GAS7: variants seen among roughly 807,000 people sequenced by gnomAD.
GAS7 encodes the protein growth arrest-specific protein 7.
GAS7 carries 28 observed loss-of-function variants against 71.1 expected under a neutral mutation model. That is an observed-to-expected ratio of 0.39 (90% CI 0.29 to 0.54). The LOEUF (loss-of-function observed/expected upper bound fraction) is 0.54. GAS7 is among the 20% of genes least tolerant of loss of function. The pLI is 0.62. For synonymous variants in GAS7, 258 were observed against 245.8 expected (o/e 1.05, Z -0.46); for missense variants, 436 against 627.8 (o/e 0.69, Z 3.27).
chr17:9,968,095 A>G (rs2069796574), intron 4 of GAS7, among the ~76,000 whole-genome samples: 1 of 152,218 alleles, frequency 6.6e-6, no homozygotes, highest in Non-Finnish European at 1.5e-5. Context: ...GCTGAACCAC[A>G]TCAGAATTTA....
At chr17:10,155,653 G>A (rs1597824448) in intron 1 of GAS7, among the ~76,000 whole-genome samples, 2 of 152,088 alleles carry the variant, frequency 1.3e-5, no homozygotes, top group South Asian at 2.1e-4. Flanking sequence ...CATTCTTCTG[G>A]TCCTCCCACT....
At chr17:10,088,440 G>T (rs1250639123) in intron 1 of GAS7, among the ~76,000 whole-genome samples, 1 of 151,750 alleles carries the variant, frequency 6.6e-6, no homozygotes, top group African/African-American at 2.4e-5. Context: ...TCCAGGCTGA[G>T]GCAATGAGGG....
At chr17:9,975,159 A>G (rs943245816) in intron 3 of GAS7, among the ~76,000 whole-genome samples, 2 of 152,192 alleles carry the variant, frequency 1.3e-5, no homozygotes, top group East Asian at 1.9e-4. Flanking sequence ...GCTCGTGACC[A>G]GCCTGCCTAA....
chr17:9,920,016 T>TGC (rs60010832), intron 11 of GAS7, among the ~76,000 whole-genome samples: 3 of 141,378 alleles, frequency 2.1e-5, no homozygotes, highest in Admixed American at 1.4e-4. Flanking sequence ...TGTGTGTGTG[T>TGC]CTAGGGTATT....
intron 1 of GAS7, among the ~76,000 whole-genome samples, chr17:10,158,130 C>G (rs2074218889): frequency 6.6e-6 from 1 of 152,160 alleles, no homozygotes; most frequent in East Asian, 1.9e-4. Flanking sequence ...CCTGCCTCAG[C>G]CTCCCTAGTA....
chr17:9,957,556 A>G (rs1469653224), intron 5 of GAS7, among the ~76,000 whole-genome samples: 1 of 152,146 alleles, frequency 6.6e-6, no homozygotes, highest in East Asian at 1.9e-4. Context: ...TAGAATTCAA[A>G]TATGTCTCCC....
At chr17:9,998,898 C>T (rs147057410) in intron 2 of GAS7, among the ~76,000 whole-genome samples, 7 of 152,236 alleles carry the variant, frequency 4.6e-5, no homozygotes, top group Admixed American at 6.5e-5. Context: ...CACTCCCTGC[C>T]CAAGGACATC....
At chr17:9,979,407 C>T (rs1001322525) in intron 3 of GAS7, among the ~76,000 whole-genome samples, 2 of 152,210 alleles carry the variant, frequency 1.3e-5, no homozygotes, top group Non-Finnish European at 2.9e-5. Flanking sequence ...TTTCTCAGCC[C>T]CCTTTAGGGG....
At chr17:9,980,096 G>A (rs552612433) in intron 3 of GAS7, among the ~76,000 whole-genome samples, 2 of 151,902 alleles carry the variant, frequency 1.3e-5, no homozygotes, top group Non-Finnish European at 2.9e-5. Flanking sequence ...TAAATAAAGT[G>A]CTTTTGAAAA....
At chr17:9,946,774 C>T in intron 6 of GAS7, 120 bp downstream of exon 6, 1 of 626,330 alleles carries the variant, frequency 1.6e-6, no homozygotes, top group Non-Finnish European at 2.9e-6. Flanking sequence ...TAACACCAGC[C>T]CTTCACGCTC....
chr17:10,161,836 G>A (rs888987951), intron 1 of GAS7, among the ~76,000 whole-genome samples: 5 of 152,052 alleles, frequency 3.3e-5, no homozygotes, highest in Non-Finnish European at 7.4e-5. Flanking sequence ...AGGCCGAGGC[G>A]GGCGGATCAT....
chr17:10,107,033 C>A (rs548309663), intron 1 of GAS7, among the ~76,000 whole-genome samples: 32 of 152,102 alleles, frequency 2.1e-4, no homozygotes, highest in Non-Finnish European at 3.8e-4. Flanking sequence ...TGGAAACAGG[C>A]GCCAAGGAAG....
chr17:10,181,850 C>T (rs1233599535), intron 1 of GAS7, among the ~76,000 whole-genome samples: 1 of 152,138 alleles, frequency 6.6e-6, no homozygotes, highest in Non-Finnish European at 1.5e-5. Context: ...CCCACCAAAA[C>T]CAAGATGGCA....
At chr17:10,143,256 G>A (rs528989471) in intron 1 of GAS7, among the ~76,000 whole-genome samples, 125 of 151,662 alleles carry the variant, frequency 8.2e-4, no homozygotes, top group African/African-American at 2.9e-3. Flanking sequence ...ATTGGAGATA[G>A]GCGGCCAAGC....
At chr17:10,120,830 G>C (rs2073898764) in intron 1 of GAS7, among the ~76,000 whole-genome samples, 1 of 152,234 alleles carries the variant, frequency 6.6e-6, no homozygotes, top group Non-Finnish European at 1.5e-5. Context: ...GGAAAGGGCA[G>C]GCTGCTAGGG....
At chr17:10,085,430 T>C (rs2152253427) in intron 1 of GAS7, among the ~76,000 whole-genome samples, 1 of 152,098 alleles carries the variant, frequency 6.6e-6, no homozygotes, top group African/African-American at 2.4e-5. Flanking sequence ...ACGCCTGTAA[T>C]CCCAGCACTT....
intron 9 of GAS7, among the ~76,000 whole-genome samples, chr17:9,928,795 T>C (rs1184771546): frequency 6.6e-6 from 1 of 152,218 alleles, no homozygotes; most frequent in Non-Finnish European, 1.5e-5. Flanking sequence ...AGCACTGCTG[T>C]GCCCAGTGTC....
intron 1 of GAS7, among the ~76,000 whole-genome samples, chr17:10,073,204 C>T (rs1432199772): frequency 6.6e-6 from 1 of 152,170 alleles, no homozygotes; most frequent in African/African-American, 2.4e-5. Flanking sequence ...CCCAACAGGC[C>T]GTGTGGCTCA....
chr17:10,012,294 ATTTATTTAT>A lies in GAS7; in HGVS notation c.304+7474_304+7482del, dbSNP rs918449492. ...GGCCTTCCAGTTATATTTTTATTTT[ATTTATTTAT>A]TTGAGACAGTGGCTTGCTCTGTCAC... On this transcript the variant is annotated intron_variant, in intron 2 of 13. Transcript: ENST00000432992. Among the ~76,000 whole-genome samples, 38 of 152,150 alleles carry A rather than the reference ATTTATTTAT, an allele frequency of 2.5e-4. 1 individual carries two copies. The highest frequency in any genetic ancestry group is 4.8e-4 in the African/African-American group (20 of 41,520).
Sources: allele counts gnomAD v4.1 joint callset (sites outside exome capture counted in the v4.1 genomes callset), GRCh38; gene constraint gnomAD v4.1.1; transcripts MANE v1.5; gene names NCBI Gene and HGNC (gene_info 2026-07-23, HGNC 2026-07-21).